MED13L: variants seen among roughly 807,000 people sequenced by gnomAD.
MED13L encodes mediator of RNA polymerase II transcription subunit 13-like.
A neutral mutation model predicts 220.9 loss-of-function variants in MED13L; 7 were observed. The ratio of observed to expected loss-of-function variants is 0.03; its 90% CI spans 0.02 to 0.06. MED13L has a LOEUF of 0.06. Among genes scored for constraint, MED13L ranks in the 10% least tolerant of loss-of-function variants. MED13L has a pLI of 1.00. For synonymous variants in MED13L, 1,011 were observed against 1,015.2 expected, an observed-to-expected ratio of 1.00 and a Z score of 0.08; for missense variants, 1,965 against 2,760.5, an observed-to-expected ratio of 0.71 and a Z score of 6.46.
intron 4 of MED13L, among the ~76,000 whole-genome samples, chr12:116,085,689 T>C (rs1376029464): frequency 1.3e-5 from 2 of 150,892 alleles, no homozygotes; most frequent in African/African-American, 2.4e-5. Flanking sequence ...AGGAGTAATG[T>C]AGGAATGGGG....
At chr12:116,197,814 A>G (rs1359655221) in intron 2 of MED13L, among the ~76,000 whole-genome samples, 1 of 152,090 alleles carries the variant, frequency 6.6e-6, no homozygotes, top group Non-Finnish European at 1.5e-5. Context: ...ACCAGCTGCT[A>G]GCTAAAAATC....
chr12:116,139,970 CAAAAAA>C (rs36124478), intron 2 of MED13L, among the ~76,000 whole-genome samples: 1 of 63,902 alleles, frequency 1.6e-5, no homozygotes, highest in Non-Finnish European at 3.0e-5. Flanking sequence ...AACTCCATCT[CAAAAAA>C]AAAAAAAAAA....
chr12:115,986,898 G>T (rs1877727490), intron 18 of MED13L, among the ~76,000 whole-genome samples: 1 of 152,172 alleles, frequency 6.6e-6, no homozygotes, highest in Non-Finnish European at 1.5e-5. Flanking sequence ...TTAGGGATTA[G>T]CTTCCTCACT....
intron 2 of MED13L, among the ~76,000 whole-genome samples, chr12:116,160,292 ACTG>A (rs2138132810): frequency 6.6e-6 from 1 of 152,316 alleles, no homozygotes; most frequent in South Asian, 2.1e-4. Flanking sequence ...AGGTCTTTTA[ACTG>A]CTATTTTTGT....
chr12:116,219,776 T>G (rs1883202338), intron 2 of MED13L, among the ~76,000 whole-genome samples: 1 of 152,150 alleles, frequency 6.6e-6, no homozygotes, highest in South Asian at 2.1e-4. Flanking sequence ...CAAAGTAAGT[T>G]CAACTGCCAG....
chr12:115,979,603 T>A (rs941093366), intron 23 of MED13L, among the ~76,000 whole-genome samples: 18 of 152,254 alleles, frequency 1.2e-4, no homozygotes, highest in African/African-American at 3.9e-4. Flanking sequence ...ACTACTTGCA[T>A]CATTTTTCAC....
chr12:116,130,803 T>C lies in MED13L; in HGVS notation c.311-19291A>G, dbSNP rs377374991. ...TCTAACAGCCTGTAGGTGTTGAATA[T>C]ATGTGGATTATTGTACAATATAAGC... is the stretch of plus-strand genomic sequence containing the variant. On this transcript the variant is annotated intron_variant, in intron 2 of 30. Coordinates refer to ENST00000281928, the MANE Select transcript of MED13L (RefSeq NM_015335.5). Among the ~76,000 whole-genome samples, 37 of 152,120 alleles carry C rather than the reference T, an allele frequency of 2.4e-4. No homozygotes were observed. In the East Asian group the frequency reaches 2.5e-3, roughly 10 times the overall value.
intron 4 of MED13L, among the ~76,000 whole-genome samples, chr12:116,048,833 GTTT>G (rs900258339): frequency 6.6e-6 from 1 of 152,072 alleles, no homozygotes; most frequent in Non-Finnish European, 1.5e-5. Flanking sequence ...TAAAATCAGT[GTTT>G]TTAATATTAC....
chr12:115,982,860 T>C (rs766763083), intron 21 of MED13L, among the ~76,000 whole-genome samples: 4 of 152,220 alleles, frequency 2.6e-5, no homozygotes, highest in Non-Finnish European at 5.9e-5. Flanking sequence ...TGTGGTTATG[T>C]TGTACAAAGT....
At chr12:116,218,159 T>A (rs1437722613) in intron 2 of MED13L, among the ~76,000 whole-genome samples, 1 of 152,060 alleles carries the variant, frequency 6.6e-6, no homozygotes, top group Non-Finnish European at 1.5e-5. Context: ...AAGTATGTAA[T>A]TTTTTTTAAC....
At chr12:116,232,065 G>A (rs1350256303) in intron 2 of MED13L, 1 of 984,036 alleles carries the variant, frequency 1.0e-6, no homozygotes, top group East Asian at 1.1e-4. Flanking sequence ...TTACACCGTG[G>A]TCACTGTCAG....
intron 13 of MED13L, among the ~76,000 whole-genome samples, chr12:116,004,834 G>A (rs1878953411): frequency 6.6e-6 from 1 of 152,050 alleles, no homozygotes; most frequent in African/African-American, 2.4e-5. Context: ...TTATTTTAAA[G>A]TTTGGGCTTT....
At chr12:116,273,767 C>T (rs1248226196) in intron 1 of MED13L, among the ~76,000 whole-genome samples, 1 of 152,158 alleles carries the variant, frequency 6.6e-6, no homozygotes, top group Non-Finnish European at 1.5e-5. Context: ...CTAGAGATCA[C>T]TCCCTCATAT....
chr12:116,256,537 T>G (rs986598598), intron 1 of MED13L, among the ~76,000 whole-genome samples: 1 of 152,148 alleles, frequency 6.6e-6, no homozygotes, highest in Admixed American at 6.5e-5. Flanking sequence ...GTTTCACAGA[T>G]ATACACATTT....
chr12:116,262,649 T>C (rs924278476), intron 1 of MED13L, among the ~76,000 whole-genome samples: 4 of 152,240 alleles, frequency 2.6e-5, no homozygotes, highest in East Asian at 1.9e-4. Flanking sequence ...TTCATTAGAA[T>C]AGTTTCCTAG....
Position 116,019,939 on chromosome 12 carries a change from A to G in MED13L, c.659T>C (p.Leu220Pro), listed in dbSNP as rs1394205144. Residue 220 changes from leucine to proline, a missense_variant, in exon 6 of 31, where the codon CTA becomes CCA. This residue lies in a region of MED13L where 818 missense variants were observed against 1,041.2 expected (regional missense o/e 0.79). Transcript: ENST00000281928. ...TGACATCTTGTATGCTTGGCCTGTT[A>G]GCGTCCCATTTAAGCCATAAGGACT... ...LVSPYGLNGT[L>P]TGQAYKMSDP... is the part of the protein sequence containing the mutation. The G allele has an allele frequency of 1.9e-6, 3 of 1,613,782 alleles. No individual in the cohort carries two copies. In the South Asian group the frequency reaches 3.3e-5, roughly 18 times the overall value.
At chr12:116,045,566 A>G (rs1743484630) in intron 4 of MED13L, among the ~76,000 whole-genome samples, 1 of 152,192 alleles carries the variant, frequency 6.6e-6, no homozygotes, top group African/African-American at 2.4e-5. Context: ...AAACTATGGT[A>G]TGACATAAAA....
Position 115,961,059 on chromosome 12 carries a change from C to T in MED13L, c.*207G>A. 2 of 687,068 alleles carry T rather than the reference C, an allele frequency of 2.9e-6. No homozygotes were observed. Among genetic ancestry groups the T allele is most frequent in the East Asian group, 6.0e-5 (2 of 33,438 alleles). 42.6% of individuals were successfully genotyped at this position (687,068 alleles called of 1,614,324 possible). A position where few individuals can be genotyped will look rare whatever the true frequency, so the allele number is the denominator to read the frequency against. On this transcript the variant is annotated 3_prime_UTR_variant, in exon 31 of 31. Transcript: ENST00000281928. ...TGAAAGTCACCACTTATGGAAGTTT[C>T]CAGGTCCATGAGAGAAGTGTCAAGG...
At chr12:116,105,317 G>C (rs1178406007) in intron 3 of MED13L, among the ~76,000 whole-genome samples, 2 of 152,176 alleles carry the variant, frequency 1.3e-5, no homozygotes, top group African/African-American at 4.8e-5. Flanking sequence ...AGAAAGGGAG[G>C]AAGGATGGAA....
Sources: gnomAD v4.1 joint callset for allele counts (sites outside exome capture counted in the v4.1 genomes callset) on GRCh38, gnomAD v4.1.1 for gene constraint, gnomAD v4.1.1 regional missense constraint, MANE v1.5 for transcripts, NCBI Gene and HGNC (gene_info 2026-07-23, HGNC 2026-07-21) for gene names.